The following BCAT2 variants were observed in gnomAD, a reference collection of about 807,000 sequenced individuals.
BCAT2 encodes branched chain amino acid transaminase 2, also known as branched-chain-amino-acid aminotransferase, mitochondrial.
BCAT2 carries 44 observed loss-of-function variants against 52.9 expected under a neutral mutation model. The ratio of observed to expected loss-of-function variants is 0.83; its 90% CI spans 0.65 to 1.07. The LOEUF is 1.07. Among genes scored for constraint, BCAT2 ranks in the 50% least tolerant of loss-of-function variants. The pLI is 0.00. For synonymous variants in BCAT2, 215 were observed against 217.1 expected (o/e 0.99, Z 0.08); for missense variants, 478 against 521.8 (o/e 0.92, Z 0.82).
At chr19:48,798,297 G>A (rs2034577723) in intron 6 of BCAT2, among the ~76,000 whole-genome samples, 1 of 152,142 alleles carries the variant, frequency 6.6e-6, no homozygotes. Flanking sequence ...AGTGAACTGG[G>A]CTACCTGGAT....
intron 1 of BCAT2, chr19:48,808,368 G>C: frequency 1.8e-6 from 1 of 544,826 alleles, no homozygotes; most frequent in Non-Finnish European, 2.3e-6. Context: ...GGAAGGATGA[G>C]AAAAAGAAAC....
chr19:48,806,481 G>A, intron 3 of BCAT2, 36 bp downstream of exon 3: 1 of 1,609,986 alleles, frequency 6.2e-7, no homozygotes, highest in Non-Finnish European at 8.5e-7. Flanking sequence ...AGGAGATGCA[G>A]ACAGGGACAG....
chr19:48,796,087 G>C (rs2034505042), intron 10 of BCAT2: 2 of 475,258 alleles, frequency 4.2e-6, no homozygotes, highest in South Asian at 4.2e-5. Flanking sequence ...CAGGGAGGGA[G>C]TTTCTCCCAC....
chr19:48,795,427 C>T lies in BCAT2; in HGVS notation c.1178G>A (p.Ter393=), dbSNP rs2034481715. Residue 393 remains the stop codon, a stop_retained_variant, in exon 11 of 11, where the codon TGA becomes TAA. Transcript: ENST00000316273. ...GGATCTGGAGCACAGCCTGCAGCTT[C>T]ACACCGGGAACATCCACTCGTGGGC... ...IRAHEWMFPV[*] 6.2e-7 allele frequency: 1 copy of T among 1,613,974 alleles called. No individual in the cohort carries two copies. Among genetic ancestry groups the T allele is most frequent in the Admixed American group, 1.7e-5 (1 of 60,000 alleles).
At chr19:48,803,799 A>T (rs1320830969) in intron 3 of BCAT2, among the ~76,000 whole-genome samples, 1 of 152,250 alleles carries the variant, frequency 6.6e-6, no homozygotes, top group Non-Finnish European at 1.5e-5. Flanking sequence ...ATGGGGGATT[A>T]AACAGTTCTG....
chr19:48,795,678 AAT>A (rs2034494197), intron 10 of BCAT2, among the ~76,000 whole-genome samples: 8 of 152,116 alleles, frequency 5.3e-5, no homozygotes, highest in Non-Finnish European at 8.8e-5. Context: ...TGAAGACAGG[AAT>A]TATGGCCAGG....
rs1333048407 is a variant in BCAT2 at position 48,799,944 on chromosome 19, C to T, written c.531+37G>A. On this transcript the variant is annotated intron_variant, in intron 5 of 10. Transcript: ENST00000316273. The surrounding 1 kb of genome is among the most constrained non-coding windows in gnomAD (Gnocchi z 5.5). ...ACCCCTGCCCTGCAGAATCCAACCC[C>T]CGCAGCCCAGCTTCCCAGCCCTGGA... 1.2e-6 allele frequency: 2 copies of T among 1,610,012 alleles called. No homozygotes were observed. Among genetic ancestry groups the T allele is most frequent in the Non-Finnish European group, 1.7e-6 (2 of 1,177,482 alleles).
chr19:48,810,962 C>T (rs748841584), intron 1 of BCAT2, 22 bp downstream of exon 1: 4 of 1,606,846 alleles, frequency 2.5e-6, no homozygotes, highest in South Asian at 2.2e-5. Flanking sequence ...TCCCAGACCC[C>T]GGCGCGGGGC....
intron 8 of BCAT2, 96 bp from the exon 9 acceptor site, chr19:48,796,814 C>T (rs1599792341): frequency 2.5e-6 from 4 of 1,590,386 alleles, no homozygotes; most frequent in Non-Finnish European, 3.4e-6. Flanking sequence ...AAGACAGAGG[C>T]CCAACGGGAG....
At chr19:48,805,603 C>A (rs1023681834) in intron 3 of BCAT2, among the ~76,000 whole-genome samples, 27 of 151,910 alleles carry the variant, frequency 1.8e-4, no homozygotes, top group African/African-American at 5.6e-4. Context: ...CCATCCCCCA[C>A]CGACTGTCCC....
chr19:48,808,407 A>C (rs2034841340), intron 1 of BCAT2: 1 of 357,638 alleles, frequency 2.8e-6, no homozygotes, highest in South Asian at 1.1e-4. Flanking sequence ...ACAGAAAAAA[A>C]AAAAAACAAA....
Position 48,807,095 on chromosome 19 carries a change from G to C in BCAT2, c.25-21C>G. ...CAGATCTGGGTGGAGAAAGAAGTGA[G>C]AGAGGGGGTGAGTGGGGCACAGCAG... On this transcript the variant is annotated intron_variant, in intron 1 of 10. Transcript: ENST00000316273. This position sits in a 1 kb window ranked among gnomAD's most constrained non-coding sequence, Gnocchi z 4.6. The C allele has an allele frequency of 6.2e-7, 1 of 1,603,460 alleles. No individual in the cohort carries two copies. Among genetic ancestry groups the C allele is most frequent in the Non-Finnish European group, 8.5e-7 (1 of 1,172,340 alleles).
intron 3 of BCAT2, among the ~76,000 whole-genome samples, chr19:48,800,577 G>A (rs758068071): frequency 2.6e-5 from 4 of 152,138 alleles, no homozygotes; most frequent in Non-Finnish European, 2.9e-5. Flanking sequence ...TTGGGAGGCC[G>A]AGGCAGGAGG....
chr19:48,803,426 G>C (rs1470415233), intron 3 of BCAT2, among the ~76,000 whole-genome samples: 1 of 152,072 alleles, frequency 6.6e-6, no homozygotes, highest in Non-Finnish European at 1.5e-5. Flanking sequence ...TACTTGGAAG[G>C]CTGACGCAGG....
In BCAT2 at chr19:48,807,331, A is replaced by G. The variant is rs2034812688; in HGVS notation, c.25-257T>C. Reference sequence around the variant, plus strand: ...GCAAAGTCAAACGCAAGCGCCTCCCACCCCAGAGACCTTTGGTCGCAGCCT... The same window carrying G: ...GCAAAGTCAAACGCAAGCGCCTCCCGCCCCAGAGACCTTTGGTCGCAGCCT... On this transcript the variant is annotated intron_variant, in intron 1 of 10. Coordinates refer to ENST00000316273, the MANE Select transcript of BCAT2 (RefSeq NM_001190.4). This position sits in a 1 kb window ranked among gnomAD's most constrained non-coding sequence, Gnocchi z 4.6. 3 of 396,294 alleles carry G rather than the reference A, an allele frequency of 7.6e-6. No homozygotes were observed. Among genetic ancestry groups the G allele is most frequent in the African/African-American group, 6.3e-5 (3 of 47,452 alleles). 24.5% of individuals were successfully genotyped at this position (396,294 alleles called of 1,614,324 possible). A position where few individuals can be genotyped will look rare whatever the true frequency, so the allele number is the denominator to read the frequency against.
chr19:48,806,168 C>T (rs1341017189), intron 3 of BCAT2, among the ~76,000 whole-genome samples: 1 of 145,972 alleles, frequency 6.9e-6, no homozygotes, highest in East Asian at 2.0e-4. Context: ...ACCTCTCCCA[C>T]CATCCCCCTC....
intron 1 of BCAT2, among the ~76,000 whole-genome samples, chr19:48,809,009 GCTGT>G (rs1368247399): frequency 3.6e-5 from 5 of 138,774 alleles, no homozygotes; most frequent in African/African-American, 1.3e-4. Flanking sequence ...ACTGGTCAAG[GCTGT>G]GGTGAGCTAC....
intron 3 of BCAT2, among the ~76,000 whole-genome samples, chr19:48,801,465 G>A (rs2034656586): frequency 6.6e-6 from 1 of 151,814 alleles, no homozygotes; most frequent in Non-Finnish European, 1.5e-5. Context: ...CTGAATAATG[G>A]AATAGATAAC....
rs2034829962 is a variant in BCAT2 at position 48,807,942 on chromosome 19, T to C, written c.25-868A>G. The C allele has an allele frequency of 4.1e-6, 4 of 985,784 alleles. No homozygotes were observed. The highest frequency in any genetic ancestry group is 4.8e-6 in the Non-Finnish European group (4 of 830,230). The allele number at this position is 985,784 out of a possible 1,614,324, so 61.1% of individuals were successfully genotyped here. On this transcript the variant is annotated intron_variant, in intron 1 of 10. Transcript: ENST00000316273. This position sits in a 1 kb window ranked among gnomAD's most constrained non-coding sequence, Gnocchi z 4.6. ...CAGGCTGGGCCCTCTCTGGTGACCTTTGACCTCACAAGGCCTCTTTCCCCA... is the reference window on the plus strand; with the variant it reads ...CAGGCTGGGCCCTCTCTGGTGACCTCTGACCTCACAAGGCCTCTTTCCCCA...
Sources: allele counts gnomAD v4.1 joint callset (sites outside exome capture counted in the v4.1 genomes callset), GRCh38; gene constraint gnomAD v4.1.1; non-coding constraint Gnocchi (gnomAD v3.1); transcripts MANE v1.5; gene names NCBI Gene and HGNC (gene_info 2026-07-23, HGNC 2026-07-21).